ADAMTSL1: variants seen among roughly 807,000 people sequenced by gnomAD.
The protein encoded by ADAMTSL1 is ADAMTS-like protein 1.
In ADAMTSL1, 126 loss-of-function variants were observed where a neutral mutation model predicts 201.8. That is an observed-to-expected ratio of 0.62 (90% CI 0.54 to 0.72). ADAMTSL1 has a LOEUF of 0.72. ADAMTSL1 is among the 30% of genes least tolerant of loss of function. ADAMTSL1 has a pLI of 0.00. For synonymous variants in ADAMTSL1, 1,121 were observed against 903.4 expected (o/e 1.24, Z -4.32); for missense variants, 2,679 against 2,277.8 (o/e 1.18, Z -3.59).
chr9:18,852,718 G>A (rs997533016), intron 23 of ADAMTSL1, among the ~76,000 whole-genome samples: 2 of 152,210 alleles, frequency 1.3e-5, no homozygotes, highest in African/African-American at 4.8e-5. Flanking sequence ...GTTGCACTAT[G>A]ATCAAACCAC....
intron 9 of ADAMTSL1, among the ~76,000 whole-genome samples, chr9:18,665,871 T>A (rs1292098055): frequency 1.3e-5 from 2 of 152,158 alleles, no homozygotes; most frequent in Non-Finnish European, 2.9e-5. Flanking sequence ...TTAGAAATAT[T>A]GATAAGTTAA....
intron 2 of ADAMTSL1, among the ~76,000 whole-genome samples, chr9:18,317,507 T>A (rs912171079): frequency 1.3e-5 from 2 of 152,220 alleles, no homozygotes; most frequent in Admixed American, 6.5e-5. Context: ...TGTATACATT[T>A]ATGAAATCAT....
chr9:18,288,131 A>G (rs1186927514), intron 2 of ADAMTSL1, among the ~76,000 whole-genome samples: 1 of 152,198 alleles, frequency 6.6e-6, no homozygotes, highest in Non-Finnish European at 1.5e-5. Flanking sequence ...GGGAAATTCT[A>G]GGTGAAATAG....
chr9:18,488,198 G>A (rs189152088), intron 1 of ADAMTSL1, among the ~76,000 whole-genome samples: 1 of 152,198 alleles, frequency 6.6e-6, no homozygotes, highest in East Asian at 1.9e-4. Context: ...CCAATCTGAG[G>A]GCCTGGAGAG....
At chr9:18,352,236 A>G (rs943752873) in intron 2 of ADAMTSL1, among the ~76,000 whole-genome samples, 3 of 152,220 alleles carry the variant, frequency 2.0e-5, no homozygotes, top group Non-Finnish European at 4.4e-5. Context: ...TTAACATTGT[A>G]AGAAGTGTTT....
intron 2 of ADAMTSL1, among the ~76,000 whole-genome samples, chr9:18,348,260 G>A (rs1835812343): frequency 1.3e-5 from 2 of 152,130 alleles, no homozygotes; most frequent in Non-Finnish European, 2.9e-5. Context: ...TTATTAATGG[G>A]TCCCTAGCTG....
chr9:18,241,240 C>T (rs1203079059), intron 2 of ADAMTSL1, among the ~76,000 whole-genome samples: 1 of 152,066 alleles, frequency 6.6e-6, no homozygotes, highest in African/African-American at 2.4e-5. Context: ...AGATAAATGC[C>T]TTTTCCTTTC....
chr9:18,140,679 C>G (rs1391275793), intron 1 of ADAMTSL1, among the ~76,000 whole-genome samples: 1 of 152,176 alleles, frequency 6.6e-6, no homozygotes, highest in Non-Finnish European at 1.5e-5. Context: ...CATTCATCAT[C>G]AGTTCTGAGA....
intron 1 of ADAMTSL1, among the ~76,000 whole-genome samples, chr9:18,011,559 C>G (rs915796725): frequency 3.5e-4 from 53 of 152,028 alleles, no homozygotes; most frequent in African/African-American, 1.3e-3. Flanking sequence ...GGAAATCTGC[C>G]TTCTCACTCT....
chr9:18,046,133 G>C (rs544238678), intron 1 of ADAMTSL1, among the ~76,000 whole-genome samples: 1 of 152,256 alleles, frequency 6.6e-6, no homozygotes, highest in East Asian at 1.9e-4. Context: ...GGCAAGTTGA[G>C]GCTAAATTGT....
chr9:18,184,457 A>G (rs897854357), intron 2 of ADAMTSL1, among the ~76,000 whole-genome samples: 1 of 152,206 alleles, frequency 6.6e-6, no homozygotes, highest in African/African-American at 2.4e-5. Flanking sequence ...AAAATTTTCC[A>G]TAGGCAGTTA....
intron 7 of ADAMTSL1, among the ~76,000 whole-genome samples, chr9:18,648,040 C>T (rs1827935848): frequency 6.7e-6 from 1 of 148,750 alleles, no homozygotes; most frequent in African/African-American, 2.5e-5. Context: ...TTGTAGGTCA[C>T]TCAGGACTTG....
intron 3 of ADAMTSL1, among the ~76,000 whole-genome samples, chr9:18,572,998 T>C (rs887459264): frequency 2.0e-5 from 3 of 152,236 alleles, no homozygotes; most frequent in Non-Finnish European, 4.4e-5. Flanking sequence ...TATTTGCCTT[T>C]TTAAAATTAA....
intron 2 of ADAMTSL1, among the ~76,000 whole-genome samples, chr9:18,255,241 C>T (rs768114282): frequency 6.6e-6 from 1 of 152,106 alleles, no homozygotes; most frequent in Non-Finnish European, 1.5e-5. Flanking sequence ...TGTAACTCCA[C>T]ACAGAAACCA....
intron 1 of ADAMTSL1, among the ~76,000 whole-genome samples, chr9:18,487,086 G>T (rs1315939792): frequency 1.3e-5 from 2 of 151,960 alleles, no homozygotes; most frequent in African/African-American, 4.8e-5. Flanking sequence ...ATTAATTGTG[G>T]TCTTCAGAAA....
chr9:18,321,696 G>A (rs1054012864), intron 2 of ADAMTSL1, among the ~76,000 whole-genome samples: 1 of 152,052 alleles, frequency 6.6e-6, no homozygotes, highest in Non-Finnish European at 1.5e-5. Context: ...GGGATGCTGA[G>A]GCAGGAGAAT....
chr9:18,657,805 G>A, intron 8 of ADAMTSL1, 55 bp downstream of exon 8: 1 of 1,424,958 alleles, frequency 7.0e-7, no homozygotes, highest in East Asian at 2.3e-5. Context: ...AAATACTTGG[G>A]TATTATAAGA....
chr9:18,525,404 A>G (rs772271650), intron 2 of ADAMTSL1, among the ~76,000 whole-genome samples: 8 of 152,010 alleles, frequency 5.3e-5, no homozygotes, highest in African/African-American at 1.5e-4. Flanking sequence ...TCCTGGATTC[A>G]TTGATTTTTT....
chr9:18,864,836 G>C (rs1588264893), intron 23 of ADAMTSL1, among the ~76,000 whole-genome samples: 1 of 152,190 alleles, frequency 6.6e-6, no homozygotes, highest in Admixed American at 6.5e-5. Flanking sequence ...CTTGCTGGAG[G>C]CCATTGATTC....
Sources: allele counts gnomAD v4.1 joint callset (sites outside exome capture counted in the v4.1 genomes callset), GRCh38; gene constraint gnomAD v4.1.1; transcripts MANE v1.5; gene names NCBI Gene and HGNC (gene_info 2026-07-23, HGNC 2026-07-21).